Variants in MCF2L2 observed in about 807,000 individuals in gnomAD.
MCF2L2 encodes probable guanine nucleotide exchange factor MCF2L2.
MCF2L2 carries 102 observed loss-of-function variants against 150.2 expected under a neutral mutation model. That is an observed-to-expected ratio of 0.68 (90% CI 0.58 to 0.80). The LOEUF is 0.80. MCF2L2 is among the 30% of genes least tolerant of loss of function. The pLI is 0.00. For synonymous variants in MCF2L2, 465 were observed against 491.3 expected, an observed-to-expected ratio of 0.95 and a Z score of 0.71; for missense variants, 1,256 against 1,372.8, an observed-to-expected ratio of 0.91 and a Z score of 1.34.
intron 2 of MCF2L2, among the ~76,000 whole-genome samples, chr3:183,384,660 C>G (rs574147855): frequency 2.0e-5 from 3 of 152,330 alleles, no homozygotes; most frequent in Non-Finnish European, 2.9e-5. Context: ...CTTAAAAACT[C>G]TGTTCCCTGA....
chr3:183,351,871 G>A (rs149188977), intron 3 of MCF2L2, among the ~76,000 whole-genome samples: 12 of 152,226 alleles, frequency 7.9e-5, no homozygotes, highest in African/African-American at 2.6e-4. Context: ...CTGCAAAATG[G>A]TGGGGGCTAA....
intron 15 of MCF2L2, 60 bp downstream of exon 15, chr3:183,276,812 T>A (rs1329519290): frequency 3.4e-6 from 4 of 1,178,038 alleles, no homozygotes; most frequent in Non-Finnish European, 5.0e-6. Flanking sequence ...AAAGAGAGGA[T>A]CCTCGCCACC....
chr3:183,356,283 GGCA>G (rs1711776924), intron 3 of MCF2L2, among the ~76,000 whole-genome samples: 2 of 151,646 alleles, frequency 1.3e-5, no homozygotes, highest in Non-Finnish European at 2.9e-5. Flanking sequence ...GGGAGGCCAA[GGCA>G]GGCTGATCAC....
rs1722557080 is a variant in MCF2L2 at position 183,207,912 on chromosome 3, G to A, written c.2497-89C>T. On this transcript the variant is annotated intron_variant, in intron 22 of 29. Transcript: ENST00000328913. ...GTGGCCTGTTTTCAAATTTTATAAA[G>A]CATGCTTCTTTGAGGTTTACAATTC... 9.3e-6 allele frequency: 9 copies of A among 965,076 alleles called. No homozygotes were observed. The Middle Eastern group carries it at 7.0e-4, about 75-fold the overall frequency. 59.8% of individuals were successfully genotyped at this position (965,076 alleles called of 1,614,324 possible).
chr3:183,319,083 T>C (rs373310630), intron 6 of MCF2L2, among the ~76,000 whole-genome samples: 21 of 152,386 alleles, frequency 1.4e-4, no homozygotes, highest in African/African-American at 1.9e-4. Flanking sequence ...TTACTCACAA[T>C]AGAACTTCTT....
intron 15 of MCF2L2, among the ~76,000 whole-genome samples, chr3:183,252,686 A>AT (rs1454512601): frequency 7.9e-5 from 12 of 152,206 alleles, no homozygotes; most frequent in Non-Finnish European, 1.5e-4. Context: ...CGACAATCAT[A>AT]CATTTAACTC....
At chr3:183,246,980 G>A (rs1248111743) in intron 15 of MCF2L2, among the ~76,000 whole-genome samples, 1 of 152,122 alleles carries the variant, frequency 6.6e-6, no homozygotes, top group Non-Finnish European at 1.5e-5. Flanking sequence ...CTCCTCTAGG[G>A]CAGATGTCCT....
intron 15 of MCF2L2, chr3:183,273,078 G>T: frequency 1.4e-6 from 2 of 1,432,110 alleles, no homozygotes; most frequent in Non-Finnish European, 1.9e-6. Context: ...TAAATAAAAG[G>T]GTTCCAACCT....
At chr3:183,241,047 G>C (rs1724001475) in intron 15 of MCF2L2, among the ~76,000 whole-genome samples, 1 of 152,082 alleles carries the variant, frequency 6.6e-6, no homozygotes, top group African/African-American at 2.4e-5. Context: ...TAATGGAAGA[G>C]ATAAAAAAAA....
At chr3:183,389,211 A>G (rs986104963) in intron 2 of MCF2L2, among the ~76,000 whole-genome samples, 5 of 152,230 alleles carry the variant, frequency 3.3e-5, no homozygotes, top group Middle Eastern at 3.2e-3. Context: ...TTTAGTCAGA[A>G]CAGCCTCTCT....
At chr3:183,399,308 C>T (rs1714621118) in intron 1 of MCF2L2, among the ~76,000 whole-genome samples, 1 of 152,118 alleles carries the variant, frequency 6.6e-6, no homozygotes, top group Admixed American at 6.5e-5. Flanking sequence ...TAATAACTTC[C>T]CACTGTTGAA....
At chr3:183,285,914 A>G (rs776247119) in intron 14 of MCF2L2, among the ~76,000 whole-genome samples, 2 of 152,200 alleles carry the variant, frequency 1.3e-5, no homozygotes, top group Non-Finnish European at 2.9e-5. Flanking sequence ...CGGGGAAAGC[A>G]GTTCCCGTGA....
At chr3:183,257,075 C>T (rs1725107275) in intron 15 of MCF2L2, among the ~76,000 whole-genome samples, 1 of 152,098 alleles carries the variant, frequency 6.6e-6, no homozygotes, top group Admixed American at 6.5e-5. Flanking sequence ...AAAAAATCAG[C>T]CATCCATTAA....
At chr3:183,180,350 G>A in intron 27 of MCF2L2, 191 bp from the exon 28 acceptor site, 1 of 521,810 alleles carries the variant, frequency 1.9e-6, no homozygotes, top group Non-Finnish European at 3.4e-6. Flanking sequence ...TTCCAGCGCC[G>A]AGATGCCGTA....
At chr3:183,392,207 C>T (rs1055304537) in intron 1 of MCF2L2, among the ~76,000 whole-genome samples, 3 of 152,228 alleles carry the variant, frequency 2.0e-5, no homozygotes, top group Non-Finnish European at 4.4e-5. Context: ...GCGAAGTCAA[C>T]GATCCCCACG....
chr3:183,380,465 A>G (rs762489892), intron 2 of MCF2L2, among the ~76,000 whole-genome samples: 7 of 152,144 alleles, frequency 4.6e-5, no homozygotes, highest in Non-Finnish European at 8.8e-5. Flanking sequence ...GCAGTGGTGC[A>G]ATATCGGCTC....
Position 183,212,526 on chromosome 3 carries a change from A to G in MCF2L2, c.2496+3443T>C, listed in dbSNP as rs184357776. ...CACACCTGGGCATTCTGCAGGTAAG[A>G]GCCCCGATACAAGGATTTCAAATGT... On this transcript the variant is annotated intron_variant, in intron 22 of 29. Coordinates refer to ENST00000328913, the MANE Select transcript of MCF2L2 (RefSeq NM_015078.4). 3.6e-3 allele frequency among the ~76,000 whole-genome samples: 544 copies of G among 152,314 alleles called. 2 individuals carry two copies. The highest frequency in any genetic ancestry group is 6.4e-3 in the Non-Finnish European group (438 of 68,036).
chr3:183,274,098 C>T (rs745544217), intron 15 of MCF2L2, among the ~76,000 whole-genome samples: 15 of 152,018 alleles, frequency 9.9e-5, no homozygotes, highest in South Asian at 6.2e-4. Flanking sequence ...ACCAGTAATC[C>T]CAACTACTCG....
In MCF2L2 at chr3:183,338,937, A is replaced by C; in HGVS notation, c.367-18T>G. On this transcript the variant is annotated intron_variant, in intron 4 of 29. Transcript: ENST00000328913. ...AATGCCACCTGCAAGCATCAGGAAA[A>C]GTGTCAGGAGGAGAGAGAAAAATGT... 6.3e-7 allele frequency: 1 copy of C among 1,592,214 alleles called. No individual in the cohort carries two copies. Among genetic ancestry groups the C allele is most frequent in the Non-Finnish European group, 8.6e-7 (1 of 1,164,272 alleles).
Sources: allele counts gnomAD v4.1 joint callset (sites outside exome capture counted in the v4.1 genomes callset), GRCh38; gene constraint gnomAD v4.1.1; transcripts MANE v1.5; gene names NCBI Gene and HGNC (gene_info 2026-07-23, HGNC 2026-07-21).